Variants in ZNF777 observed in about 807,000 individuals in gnomAD.
The protein encoded by ZNF777 is zinc finger protein 777.
A neutral mutation model predicts 72.1 loss-of-function variants in ZNF777; 7 were observed. The ratio of observed to expected loss-of-function variants is 0.10; its 90% CI spans 0.06 to 0.18. ZNF777 has a LOEUF of 0.18. Among genes scored for constraint, ZNF777 ranks in the 10% least tolerant of loss-of-function variants. The pLI is 1.00. For missense variants in ZNF777, 828 were observed against 1,128.6 expected (o/e 0.73, Z 3.82); for synonymous variants, 545 against 483.5 (o/e 1.13, Z -1.67).
At chr7:149,449,405 G>A (rs1238074679) in intron 4 of ZNF777, among the ~76,000 whole-genome samples, 1 of 152,158 alleles carries the variant, frequency 6.6e-6, no homozygotes, top group Non-Finnish European at 1.5e-5. Flanking sequence ...TTCAATTCTG[G>A]CCCCATTCTG....
intron 4 of ZNF777, among the ~76,000 whole-genome samples, chr7:149,441,862 G>GT (rs531890117): frequency 5.3e-4 from 81 of 151,656 alleles, no homozygotes; most frequent in African/African-American, 9.0e-4. Context: ...ATTTTTATAG[G>GT]TTTTTTTTGA....
rs1345618677 is a variant in ZNF777, at chr7:149,451,065, C to T, written c.1021G>A (p.Glu341Lys). 5 of 1,613,910 alleles carry T rather than the reference C, an allele frequency of 3.1e-6. No homozygotes were observed. The highest frequency in any genetic ancestry group is 3.4e-6 in the Non-Finnish European group (4 of 1,180,052). Residue 341 changes from glutamate (E) to lysine (K), a missense_variant, in exon 4 of 6, where the codon GAG becomes AAG. Physicochemically the swap from Glu to Lys is moderately conservative, Grantham distance 56. Transcript: ENST00000247930. The stretch of plus-strand genomic sequence containing the variant: ...TCCTGCTCCTGCATGGTGGGCCGCT[C>T]CCCGCGCTCCATCTGTGACATGAGG... ...PDLMSQMERGERPTMQEQEDS... is the reference protein window; with the variant it reads ...PDLMSQMERGKRPTMQEQEDS...
At chr7:149,434,569 CTTAT>C (rs1444609848) in intron 5 of ZNF777, among the ~76,000 whole-genome samples, 1 of 152,062 alleles carries the variant, frequency 6.6e-6, no homozygotes, top group African/African-American at 2.4e-5. Context: ...ATCAAAGGTG[CTTAT>C]TTCTTTTTTT....
At chr7:149,453,272 A>G (rs1240868898) in intron 3 of ZNF777, among the ~76,000 whole-genome samples, 1 of 152,222 alleles carries the variant, frequency 6.6e-6, no homozygotes, top group African/African-American at 2.4e-5. Context: ...CAATTAAAAA[A>G]CACAATTAAA....
At chr7:149,452,089 C>A (rs1799728767) in intron 3 of ZNF777, among the ~76,000 whole-genome samples, 2 of 151,208 alleles carry the variant, frequency 1.3e-5, no homozygotes, top group Non-Finnish European at 2.9e-5. Context: ...CATGGTGAAA[C>A]CCCGTCTCTA....
At chr7:149,459,958 G>C (rs1276418179) in intron 1 of ZNF777, 3 of 933,116 alleles carry the variant, frequency 3.2e-6, no homozygotes, top group East Asian at 2.4e-4. Flanking sequence ...CACCGCCCGG[G>C]TCAAGACGCG....
rs567117801 is a variant in ZNF777 at position 149,442,344 on chromosome 7, G to A, written c.1088-5518C>T. Among the ~76,000 whole-genome samples, 6 of 151,764 alleles carry A rather than the reference G, an allele frequency of 4.0e-5. No individual in the cohort carries two copies. The South Asian group carries it at 8.3e-4, about 21-fold the overall frequency. ...TATAAAAGTAAACCACAGGCCAGGCGTGGTGGCTCACGCCTGTAATCCTAG... is the reference window on the plus strand; with the variant it reads ...TATAAAAGTAAACCACAGGCCAGGCATGGTGGCTCACGCCTGTAATCCTAG... On this transcript the variant is annotated intron_variant, in intron 4 of 5. Coordinates refer to ENST00000247930, the MANE Select transcript of ZNF777 (RefSeq NM_015694.3).
chr7:149,432,560 T>C lies in ZNF777; in HGVS notation c.1712A>G (p.Glu571Gly). 1 of 1,613,802 alleles carries C rather than the reference T, an allele frequency of 6.2e-7. No homozygotes were observed. The change falls in exon 6 of 6, where the codon GAG (glutamate) becomes GGG (glycine). Residue 571 changes from glutamate to glycine, a missense_variant. Physicochemically the swap from Glu to Gly is moderately conservative, Grantham distance 98. Around this residue, in one of 12 missense-constraint regions of ZNF777, gnomAD observed 22 missense variants for 48.3 expected, o/e 0.46. Coordinates refer to ENST00000247930, the MANE Select transcript of ZNF777 (RefSeq NM_015694.3). ...LIIHQRNHIK[E>G]GPYECAECEI... ...GCATTCGGCGCACTCGTAGGGCCCCTCCTTGATGTGGTTGCGCTGGTGGAT... is the reference window on the plus strand; with the variant it reads ...GCATTCGGCGCACTCGTAGGGCCCCCCCTTGATGTGGTTGCGCTGGTGGAT...
At position 149,431,465 on chromosome 7, in the gene ZNF777, G is replaced by A. The variant is rs1165670726; in HGVS notation, c.*311C>T. ...TAGATGGGCCCTACACCGCCCCTCT[G>A]AGTGGCCGGCGGCCAAATCACGCCC... On this transcript the variant is annotated 3_prime_UTR_variant, in exon 6 of 6. Transcript: ENST00000247930. The A allele has an allele frequency of 9.0e-6, 4 of 446,366 alleles. No individual in the cohort carries two copies. The highest frequency in any genetic ancestry group is 6.4e-5 in the South Asian group (4 of 62,628). 27.7% of individuals were successfully genotyped at this position (446,366 alleles called of 1,614,324 possible).
chr7:149,456,056 G>C lies in ZNF777; in HGVS notation c.-15-19C>G. 1 of 1,523,000 alleles carries C rather than the reference G, an allele frequency of 6.6e-7. No homozygotes were observed. 94.3% of individuals were successfully genotyped at this position (1,523,000 alleles called of 1,614,324 possible). A position where few individuals can be genotyped will look rare whatever the true frequency, so the allele number is the denominator to read the frequency against. On this transcript the variant is annotated intron_variant, in intron 1 of 5. Transcript: ENST00000247930. ...GCTGAACCTGTGTTCATGGAAGAAA[G>C]GAAAAGAGGATTAAAGGCCACAGTC...
chr7:149,433,830 A>G (rs578183301), intron 5 of ZNF777, among the ~76,000 whole-genome samples: 1 of 152,348 alleles, frequency 6.6e-6, no homozygotes, highest in Admixed American at 6.5e-5. Flanking sequence ...GTTTTAGAGA[A>G]AAGAAGTGGC....
intron 4 of ZNF777, among the ~76,000 whole-genome samples, chr7:149,445,946 G>C (rs1343567925): frequency 6.6e-6 from 1 of 152,160 alleles, no homozygotes; most frequent in South Asian, 2.1e-4. Flanking sequence ...AAGCAGGTGT[G>C]GGGGTGCAAA....
At chr7:149,452,171 A>C (rs1398429128) in intron 3 of ZNF777, among the ~76,000 whole-genome samples, 1 of 152,142 alleles carries the variant, frequency 6.6e-6, no homozygotes, top group African/African-American at 2.4e-5. Flanking sequence ...AGGCTGAGGC[A>C]GGAGAATAGT....
chr7:149,433,165 T>C (rs1467685243), intron 5 of ZNF777, among the ~76,000 whole-genome samples: 1 of 152,154 alleles, frequency 6.6e-6, no homozygotes, highest in Non-Finnish European at 1.5e-5. Flanking sequence ...AGTCCAGACT[T>C]AAAAGGGGCT....
chr7:149,456,103 C>T, intron 1 of ZNF777, 66 bp from the exon 2 acceptor site: 1 of 1,491,848 alleles, frequency 6.7e-7, no homozygotes, highest in East Asian at 2.3e-5. Context: ...AAATAAAACC[C>T]AAAGACAAGT....
intron 5 of ZNF777, among the ~76,000 whole-genome samples, chr7:149,435,139 A>G (rs1456159734): frequency 6.6e-6 from 1 of 152,144 alleles, no homozygotes; most frequent in Non-Finnish European, 1.5e-5. Context: ...CTGAAATACC[A>G]TGGAGTTACT....
At chr7:149,458,546 C>CAAAA (rs1799878848) in intron 1 of ZNF777, among the ~76,000 whole-genome samples, 33 of 151,434 alleles carry the variant, frequency 2.2e-4, no homozygotes, top group Admixed American at 1.8e-3. Flanking sequence ...CAAAACAAAA[C>CAAAA]CCTCCAGTAT....
At chr7:149,456,674 C>T (rs950282500) in intron 1 of ZNF777, among the ~76,000 whole-genome samples, 4 of 152,168 alleles carry the variant, frequency 2.6e-5, no homozygotes, top group African/African-American at 9.7e-5. Context: ...AGCATTAGGC[C>T]TTTGTGGTGC....
intron 4 of ZNF777, among the ~76,000 whole-genome samples, chr7:149,440,668 TTTTTG>T (rs1300840406): frequency 4.2e-5 from 4 of 95,684 alleles, no homozygotes; most frequent in Non-Finnish European, 6.1e-5. Context: ...GCCTGTTGTT[TTTTTG>T]TTTTTTTTTT....
Sources: allele counts gnomAD v4.1 joint callset (sites outside exome capture counted in the v4.1 genomes callset), GRCh38; gene constraint gnomAD v4.1.1; regional missense constraint gnomAD v4.1.1; transcripts MANE v1.5; gene names NCBI Gene and HGNC (gene_info 2026-07-23, HGNC 2026-07-21).